The following PRKD2 variants were observed in gnomAD, a reference collection of about 807,000 sequenced individuals.
The protein encoded by PRKD2 is protein kinase D2, also known as serine/threonine-protein kinase D2.
PRKD2 carries 22 observed loss-of-function variants against 86.0 expected under a neutral mutation model. The observed-to-expected ratio is 0.26, with a 90% confidence interval of 0.18 to 0.37. PRKD2 has a LOEUF of 0.37. Ranked by LOEUF, PRKD2 falls within the 10% of genes least tolerant of loss-of-function variation. The probability of loss-of-function intolerance (pLI) is 1.00; values close to 1 mark genes in which losing one functional copy is unlikely to be tolerated. For missense variants in PRKD2, 818 were observed against 1,199.2 expected (o/e 0.68, Z 4.70); for synonymous variants, 509 against 510.9 (o/e 1.00, Z 0.05).
At chr19:46,712,056 A>G (rs901051161) in intron 2 of PRKD2, among the ~76,000 whole-genome samples, 18 of 150,662 alleles carry the variant, frequency 1.2e-4, no homozygotes, top group African/African-American at 4.2e-4. Flanking sequence ...TGACAGAGTA[A>G]GATTCTGTCT....
Position 46,694,107 on chromosome 19 carries a change from C to T in PRKD2, c.1344G>A (p.Thr448=), listed in dbSNP as rs55821179. The change falls in exon 10 of 18, where the codon ACG becomes ACA. Residue 448 remains threonine (T), a synonymous_variant. Coordinates refer to ENST00000291281, the MANE Select transcript of PRKD2 (RefSeq NM_016457.5). Reference sequence around the variant, plus strand: ...GGCTGAAGTTCTGGGCGGACTCCACCGTGAGGATTTCTGACAGCGGAATTT... The same window carrying T: ...GGCTGAAGTTCTGGGCGGACTCCACTGTGAGGATTTCTGACAGCGGAATTT... ...YKEIPLSEIL[T]VESAQNFSLV... 199 of 1,613,934 alleles carry T rather than the reference C, an allele frequency of 1.2e-4. No homozygotes were observed. The highest frequency in any genetic ancestry group is 5.7e-4 in the Admixed American group (34 of 60,002).
chr19:46,700,585 C>G (rs761252016), intron 7 of PRKD2, among the ~76,000 whole-genome samples: 39 of 152,178 alleles, frequency 2.6e-4, no homozygotes, highest in Non-Finnish European at 5.4e-4. Context: ...TGAGTCAAGA[C>G]TGCACCACTG....
chr19:46,689,898 C>CT (rs551202416), intron 13 of PRKD2, among the ~76,000 whole-genome samples, 200 bp from the exon 14 acceptor site: 1 of 152,030 alleles, frequency 6.6e-6, no homozygotes, highest in Admixed American at 6.6e-5. Context: ...CCAGAAGGAT[C>CT]TTTTTTTTCT....
chr19:46,680,559 G>C (rs1452343140), intron 15 of PRKD2, among the ~76,000 whole-genome samples: 2 of 152,092 alleles, frequency 1.3e-5, no homozygotes, highest in Non-Finnish European at 2.9e-5. Context: ...AAAGTGCTGG[G>C]ATTATAGGCA....
intron 17 of PRKD2, 106 bp downstream of exon 17, chr19:46,674,927 G>T: frequency 7.9e-7 from 1 of 1,269,542 alleles, no homozygotes; most frequent in South Asian, 1.4e-5. Context: ...CCACATTCCA[G>T]ACCCAAGGAA....
intron 15 of PRKD2, 88 bp downstream of exon 15, chr19:46,681,562 T>A (rs2053307184): frequency 1.1e-6 from 1 of 939,634 alleles, no homozygotes; most frequent in Non-Finnish European, 1.6e-6. Context: ...CGCCCCCACA[T>A]CTTGATTAGT....
intron 14 of PRKD2, among the ~76,000 whole-genome samples, chr19:46,686,419 C>T (rs1016821792): frequency 2.0e-5 from 3 of 148,582 alleles, no homozygotes; most frequent in Non-Finnish European, 4.5e-5. Context: ...GAGGATCGCT[C>T]GAGCCCAGGA....
chr19:46,678,740 C>T lies in PRKD2; in HGVS notation c.2071-77G>A. On this transcript the variant is annotated intron_variant, in intron 15 of 17. Coordinates refer to ENST00000291281, the MANE Select transcript of PRKD2 (RefSeq NM_016457.5). This position sits in a 1 kb window ranked among gnomAD's most constrained non-coding sequence, Gnocchi z 5.7. ...CCCAGCATCCCCACCACACCACCCT[C>T]CATGGTATTCCAGAGAAAGCTGGAT... is the stretch of plus-strand genomic sequence containing the variant. 1.4e-6 allele frequency: 2 copies of T among 1,469,068 alleles called. No homozygotes were observed. Among genetic ancestry groups the T allele is most frequent in the Non-Finnish European group, 1.8e-6 (2 of 1,093,416 alleles). 91.0% of individuals were successfully genotyped at this position (1,469,068 alleles called of 1,614,324 possible).
intron 3 of PRKD2, among the ~76,000 whole-genome samples, chr19:46,710,165 G>A (rs2053784069): frequency 6.6e-6 from 1 of 152,064 alleles, no homozygotes; most frequent in African/African-American, 2.4e-5. Flanking sequence ...CCAAAGTGCT[G>A]GGATTACAGG....
intron 15 of PRKD2, among the ~76,000 whole-genome samples, chr19:46,680,942 ATATATTTT>A (rs1445335641): frequency 6.2e-5 from 3 of 48,176 alleles, no homozygotes; most frequent in African/African-American, 2.0e-4. Flanking sequence ...ATATATATAT[ATATATTTT>A]TTTTTTTTTT....
At chr19:46,701,602 C>T (rs1262235281) in intron 5 of PRKD2, among the ~76,000 whole-genome samples, 2 of 151,886 alleles carry the variant, frequency 1.3e-5, no homozygotes, top group East Asian at 4.0e-4. Context: ...ATCCACCTGC[C>T]TTGGCCTCCT....
At chr19:46,683,542 C>T (rs2053346721) in intron 14 of PRKD2, among the ~76,000 whole-genome samples, 1 of 152,072 alleles carries the variant, frequency 6.6e-6, no homozygotes, top group Non-Finnish European at 1.5e-5. Context: ...GCCAACATAG[C>T]AAAACCCTGC....
Position 46,678,352 on chromosome 19 carries a change from ACCC to A in PRKD2, c.2338+41_2338+43del, listed in dbSNP as rs1452925723. The A allele has an allele frequency of 6.3e-7, 1 of 1,599,612 alleles. No individual in the cohort carries two copies. The highest frequency in any genetic ancestry group is 1.1e-5 in the South Asian group (1 of 89,252). ...TGGCTCCGCCCACTTCTCCAGCCCC[ACCC>A]CACAACCCACCCGCCCATGGGGTAG... On this transcript the variant is annotated intron_variant, in intron 16 of 17. Transcript: ENST00000291281. The surrounding 1 kb of genome is among the most constrained non-coding windows in gnomAD (Gnocchi z 5.7).
chr19:46,687,682 C>G (rs2053421813), intron 14 of PRKD2, among the ~76,000 whole-genome samples: 1 of 152,182 alleles, frequency 6.6e-6, no homozygotes, highest in Admixed American at 6.5e-5. Context: ...TTTATCATCA[C>G]CATTATCAGC....
chr19:46,704,052 T>C, intron 5 of PRKD2, 117 bp downstream of exon 5: 1 of 1,446,812 alleles, frequency 6.9e-7, no homozygotes, highest in Non-Finnish European at 9.3e-7. Flanking sequence ...TTCAGGGCCC[T>C]CCCCTTCTGA....
chr19:46,697,130 G>A (rs1394897835), intron 9 of PRKD2, 27 bp downstream of exon 9: 1 of 1,526,350 alleles, frequency 6.6e-7, no homozygotes, highest in Non-Finnish European at 9.1e-7. Flanking sequence ...CGGGAAGTCC[G>A]AGGGAGCTGA....
At chr19:46,698,910 C>G (rs2053598198) in intron 7 of PRKD2, among the ~76,000 whole-genome samples, 1 of 152,124 alleles carries the variant, frequency 6.6e-6, no homozygotes, top group Non-Finnish European at 1.5e-5. Flanking sequence ...CACCCGCCAC[C>G]CCCAATCCCT....
chr19:46,700,906 G>A lies in PRKD2; in HGVS notation c.1014C>T (p.Ser338=), dbSNP rs778308637. The A allele has an allele frequency of 2.1e-5, 34 of 1,614,100 alleles. No individual in the cohort carries two copies. The Middle Eastern group carries it at 9.9e-4, about 47-fold the overall frequency. The change falls in exon 7 of 18, where the codon AGC becomes AGT. Residue 338 remains serine (S), a synonymous_variant. Transcript: ENST00000291281. ...EATDFSEADK[S]ALMDESEDSG... ...AGTCCTCTGACTCATCCATGAGGGC[G>A]CTCTTGTCAGCCTCGCTGAAATCGG...
chr19:46,686,481 TAAA>T (rs34228000), intron 14 of PRKD2, among the ~76,000 whole-genome samples: 1,800 of 134,310 alleles, frequency 0.013, 13 homozygotes, highest in Non-Finnish European at 0.017. Flanking sequence ...ACAAAAACAT[TAAA>T]AAAAAAAAAA....
Sources: allele counts gnomAD v4.1 joint callset (sites outside exome capture counted in the v4.1 genomes callset), GRCh38; gene constraint gnomAD v4.1.1; non-coding constraint Gnocchi (gnomAD v3.1); transcripts MANE v1.5; gene names NCBI Gene and HGNC (gene_info 2026-07-23, HGNC 2026-07-21).